CHODL: variants seen among roughly 807,000 people sequenced by gnomAD.
The protein encoded by CHODL is chondrolectin.
In CHODL, 29 loss-of-function variants were observed where a neutral mutation model predicts 34.5. The ratio of observed to expected loss-of-function variants is 0.84; its 90% CI spans 0.63 to 1.15. The LOEUF is 1.15. CHODL is among the 50% of genes most tolerant of loss of function. The pLI, the probability that CHODL is intolerant of heterozygous loss-of-function variation, is 0.00. For synonymous variants in CHODL, 125 were observed against 116.1 expected (o/e 1.08, Z -0.49); for missense variants, 332 against 332.5 (o/e 1.00, Z 0.01).
chr21:18,151,100 A>G (rs2072961673), intron 2 of CHODL, among the ~76,000 whole-genome samples: 1 of 149,700 alleles, frequency 6.7e-6, no homozygotes, highest in Admixed American at 6.7e-5. Context: ...AAAAAAAAAA[A>G]AAAAAGAAAG....
intron 2 of CHODL, among the ~76,000 whole-genome samples, chr21:18,151,194 T>A (rs2072963398): frequency 6.6e-6 from 1 of 151,920 alleles, no homozygotes; most frequent in African/African-American, 2.4e-5. Context: ...GAGGAAGACA[T>A]GCTGCACAGA....
chr21:17,950,497 A>AACACACACACAC (rs200120318), intron 1 of CHODL, among the ~76,000 whole-genome samples: 1,597 of 130,352 alleles, frequency 0.012, 16 homozygotes, highest in African/African-American at 0.03. Context: ...CTAGATACAC[A>AACACACACACAC]ACACACACAC....
chr21:18,245,824 C>A, intron 1 of CHODL: 2 of 1,180,648 alleles, frequency 1.7e-6, no homozygotes, highest in South Asian at 1.4e-5. Flanking sequence ...CTCAGCAGGA[C>A]TACTGGCAAG....
At chr21:17,990,667 G>A (rs929750890) in intron 1 of CHODL, among the ~76,000 whole-genome samples, 7 of 151,890 alleles carry the variant, frequency 4.6e-5, no homozygotes, top group African/African-American at 1.7e-4. Flanking sequence ...TTTTTTCCAT[G>A]TGTAAAATAT....
Position 18,267,204 on chromosome 21 carries a change from T to TTGA in CHODL, c.*1170_*1172dup, listed in dbSNP as rs1409774996. On this transcript the variant is annotated 3_prime_UTR_variant, in exon 6 of 6. Coordinates refer to ENST00000299295, the MANE Select transcript of CHODL (RefSeq NM_024944.3). ...GAACCCATCAGTGATCGCATATTCA[T>TTGA]TGATGAGGGTTTGCTTGAGATAGAA... 6.7e-6 allele frequency: 1 copy of TTGA among 149,046 alleles called. No individual in the cohort carries two copies. Among genetic ancestry groups the TTGA allele is most frequent in the African/African-American group, 2.5e-5 (1 of 40,044 alleles). 9.2% of individuals were successfully genotyped at this position (149,046 alleles called of 1,614,324 possible). A position where few individuals can be genotyped will look rare whatever the true frequency, so the allele number is the denominator to read the frequency against.
chr21:17,973,394 ATTTTC>A (rs199802180), intron 1 of CHODL, among the ~76,000 whole-genome samples: 2 of 146,346 alleles, frequency 1.4e-5, no homozygotes, highest in African/African-American at 2.6e-5. Flanking sequence ...TCTACTATGC[ATTTTC>A]TTTTCTTTTC....
At chr21:17,945,209 T>TAAAAAA (rs71189571) in intron 1 of CHODL, among the ~76,000 whole-genome samples, 5 of 139,858 alleles carry the variant, frequency 3.6e-5, no homozygotes. Context: ...GAGACTCTGT[T>TAAAAAA]AAAAAAAAAA....
chr21:18,048,518 C>T (rs1192671128), intron 2 of CHODL, among the ~76,000 whole-genome samples: 1 of 151,440 alleles, frequency 6.6e-6, no homozygotes, highest in Non-Finnish European at 1.5e-5. Flanking sequence ...GCATTTAATA[C>T]TGGGAAATAA....
chr21:18,195,276 G>C (rs752459545), intron 2 of CHODL, among the ~76,000 whole-genome samples: 3 of 152,018 alleles, frequency 2.0e-5, no homozygotes, highest in African/African-American at 4.8e-5. Flanking sequence ...GGATGGTCTC[G>C]ATCTCCTGAC....
intron 2 of CHODL, among the ~76,000 whole-genome samples, chr21:18,218,999 C>T (rs556014966): frequency 6.6e-6 from 1 of 152,230 alleles, no homozygotes; most frequent in East Asian, 1.9e-4. Context: ...CCAAACTTTC[C>T]CACATTTTTG....
intron 2 of CHODL, among the ~76,000 whole-genome samples, chr21:18,111,273 G>C (rs2065347264): frequency 6.6e-6 from 1 of 152,142 alleles, no homozygotes; most frequent in Admixed American, 6.5e-5. Context: ...GAAGATGGAG[G>C]CAGGCGAACT....
chr21:18,019,651 C>G (rs1331129769), intron 1 of CHODL, among the ~76,000 whole-genome samples: 3 of 152,098 alleles, frequency 2.0e-5, no homozygotes, highest in Non-Finnish European at 2.9e-5. Flanking sequence ...CCTTTTACAT[C>G]TTTAAAATAT....
At chr21:18,142,237 T>C (rs1331787189) in intron 2 of CHODL, among the ~76,000 whole-genome samples, 1 of 151,026 alleles carries the variant, frequency 6.6e-6, no homozygotes, top group Non-Finnish European at 1.5e-5. Flanking sequence ...GATGCAACAC[T>C]TGAGGGACTC....
At chr21:18,134,638 C>A (rs1056572316) in intron 2 of CHODL, among the ~76,000 whole-genome samples, 7 of 152,176 alleles carry the variant, frequency 4.6e-5, no homozygotes, top group Admixed American at 4.6e-4. Flanking sequence ...ACTCCTTCTA[C>A]CATTTCTTCC....
At chr21:18,256,902 C>CAG (rs2074323677) in intron 2 of CHODL, 68 bp from the exon 3 acceptor site, 2 of 1,583,034 alleles carry the variant, frequency 1.3e-6, no homozygotes, top group African/African-American at 2.7e-5. Context: ...TAGAGGATGT[C>CAG]AGAGTAGGAC....
chr21:18,076,012 C>A (rs1375648871), intron 2 of CHODL, among the ~76,000 whole-genome samples: 1 of 152,184 alleles, frequency 6.6e-6, no homozygotes, highest in Non-Finnish European at 1.5e-5. Flanking sequence ...CGATCTTGGA[C>A]TTCTCAGCTT....
At chr21:18,168,701 AT>A (rs2073187212) in intron 2 of CHODL, among the ~76,000 whole-genome samples, 1 of 152,034 alleles carries the variant, frequency 6.6e-6, no homozygotes, top group African/African-American at 2.4e-5. Flanking sequence ...CTTTGCAAAT[AT>A]TTTTTTCCAT....
At chr21:17,956,168 C>T (rs1304077416) in intron 1 of CHODL, among the ~76,000 whole-genome samples, 1 of 136,014 alleles carries the variant, frequency 7.4e-6, no homozygotes, top group Non-Finnish European at 1.7e-5. Flanking sequence ...GTTGGAATCA[C>T]GGGGGTGGGT....
chr21:17,919,797 A>C (rs2146308105), intron 1 of CHODL, among the ~76,000 whole-genome samples: 1 of 152,304 alleles, frequency 6.6e-6, no homozygotes, highest in Non-Finnish European at 1.5e-5. Flanking sequence ...TTCCCTTATA[A>C]AACTGAATGA....
Sources: allele counts gnomAD v4.1 joint callset (sites outside exome capture counted in the v4.1 genomes callset), GRCh38; gene constraint gnomAD v4.1.1; transcripts MANE v1.5; gene names NCBI Gene and HGNC (gene_info 2026-07-23, HGNC 2026-07-21).